Variants in RBM33 observed in about 807,000 individuals in gnomAD.
The protein encoded by RBM33 is RNA binding motif protein 33.
A neutral mutation model predicts 132.6 loss-of-function variants in RBM33; 28 were observed. That is an observed-to-expected ratio of 0.21 (90% CI 0.16 to 0.29). The LOEUF is 0.29. RBM33 is among the 10% of genes least tolerant of loss of function. RBM33 has a pLI of 1.00. For missense variants in RBM33, 1,291 were observed against 1,518.5 expected (o/e 0.85, Z 2.49); for synonymous variants, 634 against 593.0 (o/e 1.07, Z -1.01).
In RBM33 at chr7:155,711,210, C is replaced by A; in HGVS notation, c.956C>A (p.Ala319Asp). The A allele has an allele frequency of 6.4e-7, 1 of 1,557,900 alleles. No homozygotes were observed. The highest frequency in any genetic ancestry group is 8.7e-7 in the Non-Finnish European group (1 of 1,151,810). Reference sequence around the variant, plus strand: ...AGGTTAATTCCTCCACAGCCCCAGGCTCCCCCTCCACCGCCACCGCCGCCT... The same window carrying A: ...AGGTTAATTCCTCCACAGCCCCAGGATCCCCCTCCACCGCCACCGCCGCCT... ...LPTQPPVVPQ[A>D]PPPPPPPPQQ... The change falls in exon 8 of 18, where the codon GCT becomes GAT. Residue 319 changes from alanine (A) to aspartate (D), a missense_variant. Ala to Asp is a moderately radical substitution (Grantham distance 126, BLOSUM62 -2). This residue lies in a region of RBM33 where 146 missense variants were observed against 137.1 expected (regional missense o/e 1.07). Coordinates refer to ENST00000401878, the MANE Select transcript of RBM33 (RefSeq NM_053043.3).
intron 8 of RBM33, among the ~76,000 whole-genome samples, chr7:155,716,714 A>C (rs928374190): frequency 3.3e-5 from 5 of 152,046 alleles, no homozygotes; most frequent in African/African-American, 1.2e-4. Context: ...TCTCCAGTCT[A>C]GTGTTTCACT....
intron 3 of RBM33, among the ~76,000 whole-genome samples, chr7:155,675,293 CAAAAAAAA>C (rs71881256): frequency 3.4e-4 from 44 of 128,874 alleles, no homozygotes; most frequent in African/African-American, 1.4e-3. Context: ...GACTCCGTCT[CAAAAAAAA>C]AAAAAAAAAA....
intron 7 of RBM33, among the ~76,000 whole-genome samples, chr7:155,707,786 A>T (rs541013777): frequency 1.3e-5 from 2 of 152,254 alleles, no homozygotes; most frequent in African/African-American, 4.8e-5. Context: ...TCTCTTTAGT[A>T]GCTGGGATTA....
intron 1 of RBM33, among the ~76,000 whole-genome samples, chr7:155,647,826 T>C (rs1798244835): frequency 6.6e-6 from 1 of 152,206 alleles, no homozygotes; most frequent in South Asian, 2.1e-4. Context: ...CTGTTATTTA[T>C]TGGAGACTGA....
chr7:155,775,124 C>G lies in RBM33; in HGVS notation c.*83C>G, dbSNP rs1802561576. 8.5e-7 allele frequency: 1 copy of G among 1,182,340 alleles called. No individual in the cohort carries two copies. Among genetic ancestry groups the G allele is most frequent in the African/African-American group, 1.5e-5 (1 of 66,566 alleles). 73.2% of individuals were successfully genotyped at this position (1,182,340 alleles called of 1,614,324 possible). A position where few individuals can be genotyped will look rare whatever the true frequency, so the allele number is the denominator to read the frequency against. On this transcript the variant is annotated 3_prime_UTR_variant, in exon 18 of 18. Transcript: ENST00000401878. The stretch of plus-strand genomic sequence containing the variant: ...GAGCTGCCGGCCGGCGCAGAACCCC[C>G]AGGAGCACAGGTCTCTCCGGGCCGC...
Position 155,680,867 on chromosome 7 carries a change from G to A in RBM33, c.526G>A (p.Val176Met). ...PEEEQLYTDE[V>M]LDIEINEPLD... ...GGAGGAGCAGCTTTACACTGATGAAGTGTTAGACATCGAGATCAATGAACC... is the reference window on the plus strand; with the variant it reads ...GGAGGAGCAGCTTTACACTGATGAAATGTTAGACATCGAGATCAATGAACC... Residue 176 changes from valine to methionine, a missense_variant, in exon 5 of 18, where the codon GTG (valine) becomes ATG (methionine). Coordinates refer to ENST00000401878, the MANE Select transcript of RBM33 (RefSeq NM_053043.3). The A allele has an allele frequency of 6.2e-7, 1 of 1,613,808 alleles. No individual in the cohort carries two copies. The highest frequency in any genetic ancestry group is 8.5e-7 in the Non-Finnish European group (1 of 1,179,780).
intron 7 of RBM33, among the ~76,000 whole-genome samples, chr7:155,710,803 C>T (rs966106201): frequency 4.6e-5 from 7 of 152,064 alleles, no homozygotes; most frequent in African/African-American, 1.7e-4. Flanking sequence ...TACCAGAGTT[C>T]CTGGAGGGGG....
intron 11 of RBM33, 116 bp downstream of exon 11, chr7:155,738,519 A>G (rs1335318431): frequency 3.0e-6 from 3 of 1,011,128 alleles, no homozygotes; most frequent in Non-Finnish European, 4.2e-6. Flanking sequence ...TAAAGAATAG[A>G]GTATTAGTCT....
rs1012024860 is a variant in RBM33, at chr7:155,702,885, G to T, written c.739+1941G>T. ...CTGAGAACTCCCCAGGTAGCTACAA[G>T]TTCTAAGACTATTAATTCACTTGCT... is the stretch of plus-strand genomic sequence containing the variant. On this transcript the variant is annotated intron_variant, in intron 6 of 17. Coordinates refer to ENST00000401878, the MANE Select transcript of RBM33 (RefSeq NM_053043.3). 3.3e-5 allele frequency among the ~76,000 whole-genome samples: 5 copies of T among 152,128 alleles called. No individual in the cohort carries two copies. The East Asian group carries it at 9.6e-4, about 29-fold the overall frequency.
At position 155,685,166 on chromosome 7, in the gene RBM33, T is replaced by A. The variant is rs544517803; in HGVS notation, c.567+4258T>A. ...TCGATACGTATCTTTGAACTGTGAG[T>A]GTATAGTGAAAAACTTGAACTTTCT... On this transcript the variant is annotated intron_variant, in intron 5 of 17. Coordinates refer to ENST00000401878, the MANE Select transcript of RBM33 (RefSeq NM_053043.3). 175 of 1,106,140 alleles carry A rather than the reference T, an allele frequency of 1.6e-4. 1 individual carries two copies. In the South Asian group the frequency reaches 2.8e-3, roughly 18 times the overall value. 68.5% of individuals were successfully genotyped at this position (1,106,140 alleles called of 1,614,324 possible). A position where few individuals can be genotyped will look rare whatever the true frequency, so the allele number is the denominator to read the frequency against.
At chr7:155,647,499 T>C (rs780495231) in intron 1 of RBM33, among the ~76,000 whole-genome samples, 1 of 152,156 alleles carries the variant, frequency 6.6e-6, no homozygotes, top group African/African-American at 2.4e-5. Flanking sequence ...CGTATAATCA[T>C]GGCTAATTGC....
At chr7:155,734,220 G>T (rs572606777) in intron 9 of RBM33, among the ~76,000 whole-genome samples, 122 of 152,352 alleles carry the variant, frequency 8.0e-4, no homozygotes, top group African/African-American at 2.9e-3. Flanking sequence ...CCGGCAGGCG[G>T]TGCTCCTCCT....
intron 5 of RBM33, among the ~76,000 whole-genome samples, chr7:155,690,406 G>T (rs1258414784): frequency 6.6e-6 from 1 of 152,084 alleles, no homozygotes; most frequent in Non-Finnish European, 1.5e-5. Flanking sequence ...ACAGTGAGGG[G>T]TCTTGACTCT....
intron 1 of RBM33, among the ~76,000 whole-genome samples, chr7:155,664,231 TTATA>T (rs58817262): frequency 8.2e-6 from 1 of 121,270 alleles, no homozygotes; most frequent in Non-Finnish European, 1.9e-5. Context: ...ACATTATGAC[TTATA>T]TATATATATG....
At chr7:155,723,989 G>T (rs1210745595) in intron 9 of RBM33, among the ~76,000 whole-genome samples, 1 of 152,114 alleles carries the variant, frequency 6.6e-6, no homozygotes, top group Non-Finnish European at 1.5e-5. Context: ...GCTATATATA[G>T]AGACTTAAAC....
chr7:155,685,305 A>G (rs949381542), intron 5 of RBM33, among the ~76,000 whole-genome samples: 15 of 152,204 alleles, frequency 9.9e-5, no homozygotes, highest in African/African-American at 3.6e-4. Flanking sequence ...TAGTTCAGAA[A>G]TGTGACGTAT....
intron 2 of RBM33, among the ~76,000 whole-genome samples, 159 bp downstream of exon 2, chr7:155,665,412 C>T (rs1386030296): frequency 6.6e-6 from 1 of 152,194 alleles, no homozygotes; most frequent in Non-Finnish European, 1.5e-5. Context: ...CTTCTCCATG[C>T]AGAAGGCTGA....
At chr7:155,712,415 A>G (rs1240428204) in intron 8 of RBM33, among the ~76,000 whole-genome samples, 1 of 152,268 alleles carries the variant, frequency 6.6e-6, no homozygotes, top group Non-Finnish European at 1.5e-5. Flanking sequence ...AACAAACCAG[A>G]CAAAGCTTTC....
intron 5 of RBM33, among the ~76,000 whole-genome samples, chr7:155,687,322 G>C (rs1799510496): frequency 6.6e-6 from 1 of 151,954 alleles, no homozygotes; most frequent in African/African-American, 2.4e-5. Flanking sequence ...CTTTTTGATG[G>C]GGTTGTTTTT....
Sources: gnomAD v4.1 joint callset for allele counts (sites outside exome capture counted in the v4.1 genomes callset) on GRCh38, gnomAD v4.1.1 for gene constraint, gnomAD v4.1.1 regional missense constraint, MANE v1.5 for transcripts, NCBI Gene and HGNC (gene_info 2026-07-23, HGNC 2026-07-21) for gene names.